Variants in PRKD1 observed in about 807,000 individuals in gnomAD.
The protein encoded by PRKD1 is protein kinase D1.
PRKD1 carries 63 observed loss-of-function variants against 95.9 expected under a neutral mutation model. The ratio of observed to expected loss-of-function variants is 0.66; its 90% CI spans 0.54 to 0.81. The LOEUF is 0.81. Ranked by LOEUF, PRKD1 falls within the 30% of genes least tolerant of loss-of-function variation. PRKD1 has a pLI of 0.00. For missense variants in PRKD1, 1,048 were observed against 1,165.3 expected, an observed-to-expected ratio of 0.90 and a Z score of 1.47; for synonymous variants, 425 against 423.1, an observed-to-expected ratio of 1.00 and a Z score of -0.05.
chr14:29,892,366 T>C (rs1408239809), intron 1 of PRKD1, among the ~76,000 whole-genome samples: 1 of 152,040 alleles, frequency 6.6e-6, no homozygotes. Context: ...TTGAGGAAGT[T>C]TCTCTTTGTA....
At chr14:29,889,169 T>C (rs1335176309) in intron 1 of PRKD1, among the ~76,000 whole-genome samples, 3 of 152,144 alleles carry the variant, frequency 2.0e-5, no homozygotes, top group African/African-American at 7.2e-5. Flanking sequence ...GTTCAAGACA[T>C]AAATTTGAGC....
rs35675113 is a variant in PRKD1 at position 29,671,603 on chromosome 14, GA to G, written c.404-5396del. Among the ~76,000 whole-genome samples the G allele has an allele frequency of 2.0e-5, 3 of 151,598 alleles. No homozygotes were observed. In the East Asian group the frequency reaches 5.8e-4, roughly 29 times the overall value. ...AAAATAGACCATCTTTAAACTAAAA[GA>G]AAAAAAATAGGAAGAAGTAACATAT... On this transcript the variant is annotated intron_variant, in intron 2 of 17. Coordinates refer to ENST00000331968, the MANE Select transcript of PRKD1 (RefSeq NM_002742.3).
intron 1 of PRKD1, among the ~76,000 whole-genome samples, chr14:29,914,428 C>T (rs1005269348): frequency 3.3e-5 from 5 of 152,102 alleles, no homozygotes; most frequent in African/African-American, 4.8e-5. Context: ...GAAGAATGAC[C>T]CTTAGCAAAT....
At chr14:29,821,921 C>A (rs1890928573) in intron 1 of PRKD1, among the ~76,000 whole-genome samples, 1 of 152,016 alleles carries the variant, frequency 6.6e-6, no homozygotes, top group Non-Finnish European at 1.5e-5. Context: ...GTCAGAGCAA[C>A]CTTTTAAACA....
intron 1 of PRKD1, among the ~76,000 whole-genome samples, chr14:29,903,673 C>A (rs1183696774): frequency 6.6e-6 from 1 of 151,994 alleles, no homozygotes; most frequent in African/African-American, 2.4e-5. Context: ...TAATACTTAC[C>A]TTTAAAATAA....
intron 1 of PRKD1, among the ~76,000 whole-genome samples, chr14:29,753,949 T>C (rs764596074): frequency 1.6e-4 from 25 of 152,146 alleles, no homozygotes; most frequent in Non-Finnish European, 2.5e-4. Flanking sequence ...AGAACATACG[T>C]ATGCAAAAGG....
intron 13 of PRKD1, among the ~76,000 whole-genome samples, chr14:29,619,990 A>G (rs1879136121): frequency 6.6e-6 from 1 of 151,874 alleles, no homozygotes; most frequent in African/African-American, 2.4e-5. Context: ...AGATCAATGG[A>G]ACAGAACAGA....
intron 2 of PRKD1, among the ~76,000 whole-genome samples, chr14:29,674,087 G>A (rs948309205): frequency 6.6e-6 from 1 of 152,076 alleles, no homozygotes; most frequent in African/African-American, 2.4e-5. Flanking sequence ...TTTAGCACAA[G>A]GATGAAGTGT....
chr14:29,835,442 C>G (rs1191129542), intron 1 of PRKD1, among the ~76,000 whole-genome samples: 2 of 152,124 alleles, frequency 1.3e-5, no homozygotes, highest in African/African-American at 4.8e-5. Flanking sequence ...TTATTTTAAA[C>G]CAACTTTGAC....
At chr14:29,692,919 T>C (rs1884316087) in intron 2 of PRKD1, among the ~76,000 whole-genome samples, 2 of 152,174 alleles carry the variant, frequency 1.3e-5, no homozygotes, top group African/African-American at 2.4e-5. Flanking sequence ...AAACTGTAAG[T>C]CACAACAAAT....
At chr14:29,638,170 G>T (rs1880506161) in intron 6 of PRKD1, 1 of 291,326 alleles carries the variant, frequency 3.4e-6, no homozygotes, top group African/African-American at 2.2e-5. Flanking sequence ...TAACTTGTAG[G>T]CAGCCCAACA....
intron 16 of PRKD1, among the ~76,000 whole-genome samples, chr14:29,586,058 C>T (rs1466395764): frequency 6.6e-6 from 1 of 152,196 alleles, no homozygotes; most frequent in Non-Finnish European, 1.5e-5. Flanking sequence ...ATTTTAATGG[C>T]TGCTAGGCAA....
intron 1 of PRKD1, among the ~76,000 whole-genome samples, chr14:29,830,224 T>C (rs1256741320): frequency 6.6e-6 from 1 of 152,198 alleles, no homozygotes; most frequent in Non-Finnish European, 1.5e-5. Flanking sequence ...AAGGGTAATC[T>C]GAAATTTGTT....
At chr14:29,898,789 C>G (rs1284376981) in intron 1 of PRKD1, among the ~76,000 whole-genome samples, 1 of 152,056 alleles carries the variant, frequency 6.6e-6, no homozygotes, top group East Asian at 1.9e-4. Flanking sequence ...ACTGCCTGAG[C>G]CTTCCTTTGA....
intron 16 of PRKD1, among the ~76,000 whole-genome samples, chr14:29,596,985 C>T (rs1409788975): frequency 6.6e-6 from 1 of 151,966 alleles, no homozygotes; most frequent in Non-Finnish European, 1.5e-5. Flanking sequence ...TGTTCTAATA[C>T]TAAACATAGA....
At chr14:29,710,740 T>A (rs952693037) in intron 2 of PRKD1, among the ~76,000 whole-genome samples, 1 of 152,150 alleles carries the variant, frequency 6.6e-6, no homozygotes, top group Non-Finnish European at 1.5e-5. Context: ...TGTAAGATGA[T>A]AATATTAGGG....
intron 1 of PRKD1, among the ~76,000 whole-genome samples, chr14:29,820,390 G>C (rs1890866051): frequency 6.6e-6 from 1 of 152,192 alleles, no homozygotes; most frequent in Non-Finnish European, 1.5e-5. Flanking sequence ...TGTAACAAAG[G>C]TGTGTACCAA....
intron 2 of PRKD1, among the ~76,000 whole-genome samples, chr14:29,703,374 A>T (rs554447867): frequency 1.8e-4 from 28 of 152,312 alleles, no homozygotes; most frequent in African/African-American, 6.7e-4. Flanking sequence ...GCTGTTTGGT[A>T]GGCAGACTGT....
rs1383355712 is a variant in PRKD1, at chr14:29,927,638, C to T, written c.-126G>A. On this transcript the variant is annotated 5_prime_UTR_variant, in exon 1 of 18. Coordinates refer to ENST00000331968, the MANE Select transcript of PRKD1 (RefSeq NM_002742.3). Reference sequence around the variant, plus strand: ...AGCCCAGACGGAAAATAAAAACTTTCCGGAAAAGTCCCTGGGCTGGGGGAG... The same window carrying T: ...AGCCCAGACGGAAAATAAAAACTTTTCGGAAAAGTCCCTGGGCTGGGGGAG... The T allele has an allele frequency of 1.5e-5, 11 of 755,942 alleles. No homozygotes were observed. The highest frequency in any genetic ancestry group is 6.1e-5 in the South Asian group (1 of 16,326). 46.8% of individuals were successfully genotyped at this position (755,942 alleles called of 1,614,324 possible).
Sources: allele counts gnomAD v4.1 joint callset (sites outside exome capture counted in the v4.1 genomes callset), GRCh38; gene constraint gnomAD v4.1.1; transcripts MANE v1.5; gene names NCBI Gene and HGNC (gene_info 2026-07-23, HGNC 2026-07-21).